The following NUAK1 variants were observed in gnomAD, a reference collection of about 807,000 sequenced individuals.
The protein encoded by NUAK1 is NUAK family kinase 1.
Under a neutral mutation model 56.9 loss-of-function variants are expected in NUAK1, and 26 were observed. The ratio of observed to expected loss-of-function variants is 0.46; its 90% CI spans 0.33 to 0.63. NUAK1 has a LOEUF of 0.63. Ranked by LOEUF, NUAK1 falls within the 30% of genes least tolerant of loss-of-function variation. NUAK1 has a pLI of 0.02. For synonymous variants in NUAK1, 337 were observed against 336.0 expected (o/e 1.00, Z -0.03); for missense variants, 727 against 876.1 (o/e 0.83, Z 2.15).
chr12:106,131,415 TTACA>T (rs2033078574), intron 1 of NUAK1, among the ~76,000 whole-genome samples: 1 of 152,196 alleles, frequency 6.6e-6, no homozygotes, highest in Non-Finnish European at 1.5e-5. Flanking sequence ...CTTGTGGACA[TTACA>T]TACAAATGGA....
rs538221704 is a variant in NUAK1 at position 106,067,557 on chromosome 12, A to G, written c.1231T>C (p.Ser411Pro). ...CCTTCAATGAAGCCAGTGCTGTGAG[A>G]GCGATGCTCGCTGTTGCTTCGCTTC... ...LKKRSNSEHR[S>P]HSTGFIEGVV... The change falls in exon 7 of 7, where the codon TCT (serine) becomes CCT (proline). Residue 411 changes from serine (S) to proline (P), a missense_variant. Physicochemically the swap from Ser to Pro is moderately conservative, Grantham distance 74. Coordinates refer to ENST00000261402, the MANE Select transcript of NUAK1 (RefSeq NM_014840.3). This position sits in a 1 kb window ranked among gnomAD's most constrained non-coding sequence, Gnocchi z 6.0. 1.4e-5 allele frequency: 23 copies of G among 1,614,216 alleles called. No homozygotes were observed. The South Asian group carries it at 2.3e-4, about 16-fold the overall frequency.
At position 106,066,896 on chromosome 12, in the gene NUAK1, CG is replaced by C; in HGVS notation, c.1891del (p.Arg631GlyfsTer16). 1.2e-6 allele frequency: 2 copies of C among 1,614,226 alleles called. No individual in the cohort carries two copies. Among genetic ancestry groups the C allele is most frequent in the East Asian group, 2.2e-5 (1 of 44,876 alleles). On this transcript the variant is annotated frameshift_variant, in exon 7 of 7. Transcript: ENST00000261402. LOFTEE classifies it high-confidence loss of function. ...GAGGGAGAAGCTGCTGTCTGCCAGC[CG>C]GTTCCGGTACCGCTTCAGGTACTGG... is the stretch of plus-strand genomic sequence containing the variant. The part of the protein sequence containing the change: ...RPQYLKRYRN[R>X]LADSSFSLLT...
intron 1 of NUAK1, among the ~76,000 whole-genome samples, chr12:106,130,230 C>A (rs536784628): frequency 1.3e-4 from 20 of 152,362 alleles, no homozygotes; most frequent in Middle Eastern, 3.4e-3. Flanking sequence ...GATCCACCCA[C>A]TTCGGCCTCC....
chr12:106,113,216 C>T (rs925296161), intron 1 of NUAK1, among the ~76,000 whole-genome samples: 2 of 152,068 alleles, frequency 1.3e-5, no homozygotes, highest in Non-Finnish European at 1.5e-5. Flanking sequence ...ACTAAGAAAC[C>T]GTGGGCAGAT....
intron 1 of NUAK1, among the ~76,000 whole-genome samples, chr12:106,107,233 T>G (rs2136472326): frequency 1.3e-5 from 2 of 152,222 alleles, no homozygotes; most frequent in Middle Eastern, 3.4e-3. Flanking sequence ...AAATGCAAAC[T>G]GCAGAGACCT....
At chr12:106,088,291 A>C in intron 2 of NUAK1, among the ~76,000 whole-genome samples, 1 of 151,940 alleles carries the variant, frequency 6.6e-6, no homozygotes, top group Non-Finnish European at 1.5e-5. Flanking sequence ...GCTACCCAAG[A>C]CCCTCCCTGA....
chr12:106,110,544 G>A (rs895881200), intron 1 of NUAK1, among the ~76,000 whole-genome samples: 2 of 152,184 alleles, frequency 1.3e-5, no homozygotes, highest in Admixed American at 6.5e-5. Context: ...AAACACAGAG[G>A]TAAGGAAGGG....
chr12:106,069,665 G>A (rs932065363), intron 6 of NUAK1, among the ~76,000 whole-genome samples: 1 of 152,140 alleles, frequency 6.6e-6, no homozygotes, highest in African/African-American at 2.4e-5. Context: ...GAGGCTCTCA[G>A]GAACCTAACC....
chr12:106,130,072 C>T (rs912227093), intron 1 of NUAK1, among the ~76,000 whole-genome samples: 16 of 152,138 alleles, frequency 1.1e-4, no homozygotes, highest in Admixed American at 1.0e-3. Context: ...ACCTCCGCCT[C>T]ACAGGTTCAA....
At chr12:106,086,582 G>C (rs1008152478) in intron 3 of NUAK1, 152 bp downstream of exon 3, 14 of 710,310 alleles carry the variant, frequency 2.0e-5, no homozygotes, top group Non-Finnish European at 2.8e-5. Context: ...CTGGATTCCA[G>C]AATCACGGGT....
At chr12:106,108,695 T>C (rs1407978733) in intron 1 of NUAK1, among the ~76,000 whole-genome samples, 1 of 152,074 alleles carries the variant, frequency 6.6e-6, no homozygotes, top group Non-Finnish European at 1.5e-5. Context: ...AACCACCCCT[T>C]TGATTATGCA....
chr12:106,066,675 A>G lies in NUAK1; in HGVS notation c.*127T>C, dbSNP rs2032342005. On this transcript the variant is annotated 3_prime_UTR_variant, in exon 7 of 7. Coordinates refer to ENST00000261402, the MANE Select transcript of NUAK1 (RefSeq NM_014840.3). Reference sequence around the variant, plus strand: ...TGGCTCAAGGCTGCAAACTTGGCCAAGTGAGACAGTGCCAATCCTTTTTCA... The same window carrying G: ...TGGCTCAAGGCTGCAAACTTGGCCAGGTGAGACAGTGCCAATCCTTTTTCA... 2.4e-6 allele frequency: 2 copies of G among 838,840 alleles called. No homozygotes were observed. The highest frequency in any genetic ancestry group is 4.9e-5 in the East Asian group (2 of 40,966). The allele number at this position is 838,840 out of a possible 1,614,324, so 52.0% of individuals were successfully genotyped here. A position where few individuals can be genotyped will look rare whatever the true frequency, so the allele number is the denominator to read the frequency against.
intron 1 of NUAK1, among the ~76,000 whole-genome samples, chr12:106,109,585 A>AAC (rs2032838390): frequency 6.6e-6 from 1 of 152,006 alleles, no homozygotes; most frequent in Non-Finnish European, 1.5e-5. Context: ...GAAAATCTCT[A>AAC]ACGCAGCTCC....
At chr12:106,089,504 G>A (rs562901839) in intron 2 of NUAK1, among the ~76,000 whole-genome samples, 19 of 152,256 alleles carry the variant, frequency 1.2e-4, no homozygotes, top group South Asian at 4.1e-4. Flanking sequence ...AATATATCCC[G>A]AGTCTGGCCA....
rs188479928 is a variant in NUAK1 at position 106,069,113 on chromosome 12, G to A, written c.833-1158C>T. ...CATATCTATATATACACATACAACC[G>A]TCTAGCCTGATTATCCATAGAGTCT... On this transcript the variant is annotated intron_variant, in intron 6 of 6. Transcript: ENST00000261402. Among the ~76,000 whole-genome samples, 244 of 152,194 alleles carry A rather than the reference G, an allele frequency of 1.6e-3. 1 individual carries two copies. Among genetic ancestry groups the A allele is most frequent in the Non-Finnish European group, 2.4e-4 (16 of 68,004 alleles).
chr12:106,102,424 G>A (rs2032759164), intron 2 of NUAK1, among the ~76,000 whole-genome samples: 3 of 152,182 alleles, frequency 2.0e-5, no homozygotes, highest in Admixed American at 2.0e-4. Flanking sequence ...TGTGGCTACT[G>A]AGCACATGAA....
At chr12:106,099,159 T>C (rs1277534344) in intron 2 of NUAK1, among the ~76,000 whole-genome samples, 2 of 152,220 alleles carry the variant, frequency 1.3e-5, no homozygotes, top group African/African-American at 4.8e-5. Flanking sequence ...CCTTCACCCA[T>C]GGGTCAATAG....
intron 1 of NUAK1, among the ~76,000 whole-genome samples, chr12:106,117,985 G>C (rs766133675): frequency 6.6e-6 from 1 of 152,126 alleles, no homozygotes; most frequent in Non-Finnish European, 1.5e-5. Flanking sequence ...GATGACTATC[G>C]TAAGTCTTAA....
In NUAK1 at chr12:106,086,816, A is replaced by G; in HGVS notation, c.431T>C (p.Ile144Thr). 6.2e-7 allele frequency: 1 copy of G among 1,614,192 alleles called. No homozygotes were observed. Among genetic ancestry groups the G allele is most frequent in the Non-Finnish European group, 8.5e-7 (1 of 1,180,016 alleles). Residue 144 changes from isoleucine to threonine, a missense_variant, in exon 3 of 7, where the codon ATC (isoleucine) becomes ACC (threonine). Physicochemically the swap from Ile to Thr is moderately conservative, Grantham distance 89 (BLOSUM62 -1). Coordinates refer to ENST00000261402, the MANE Select transcript of NUAK1 (RefSeq NM_014840.3). ...YASKGELYDY[I>T]SERRRLSERE... The stretch of plus-strand genomic sequence containing the variant: ...CTCACTGAGGCGTCGCCGCTCACTG[A>G]TGTAATCGTACAGCTCCCCTTTGCT...
Sources: allele counts gnomAD v4.1 joint callset (sites outside exome capture counted in the v4.1 genomes callset), GRCh38; gene constraint gnomAD v4.1.1; non-coding constraint Gnocchi (gnomAD v3.1); transcripts MANE v1.5; gene names NCBI Gene and HGNC (gene_info 2026-07-23, HGNC 2026-07-21).